Variants in AIF1L observed in about 807,000 individuals in gnomAD.
AIF1L encodes allograft inflammatory factor 1 like.
Under a neutral mutation model 20.7 loss-of-function variants are expected in AIF1L, and 12 were observed. The ratio of observed to expected loss-of-function variants is 0.58; its 90% CI spans 0.37 to 0.94. The LOEUF is 0.94. Among genes scored for constraint, AIF1L ranks in the 40% least tolerant of loss-of-function variants. AIF1L has a pLI of 0.01. For synonymous variants in AIF1L, 76 were observed against 65.1 expected (o/e 1.17, Z -0.81); for missense variants, 173 against 185.3 (o/e 0.93, Z 0.39).
chr9:131,113,593 G>C (rs889089810), intron 3 of AIF1L, among the ~76,000 whole-genome samples: 3 of 151,642 alleles, frequency 2.0e-5, no homozygotes, highest in African/African-American at 7.3e-5. Context: ...CCCTAGGTGA[G>C]CTGTGTATCC....
chr9:131,121,036 C>A lies in AIF1L; in HGVS notation c.*714C>A. The A allele has an allele frequency of 1.4e-6, 1 of 694,374 alleles. No homozygotes were observed. The highest frequency in any genetic ancestry group is 2.7e-6 in the Non-Finnish European group (1 of 373,238). The allele number at this position is 694,374 out of a possible 1,614,324, so 43.0% of individuals were successfully genotyped here. On this transcript the variant is annotated 3_prime_UTR_variant, in exon 6 of 6. Coordinates refer to ENST00000247291, the MANE Select transcript of AIF1L (RefSeq NM_031426.4). ...GCCCTACTGTCCCTTACTGGGGCAG[C>A]AGAGGGCTTCGGAGGCAGAAGTGAG...
Position 131,111,631 on chromosome 9 carries a change from A to C in AIF1L, c.128A>C (p.Glu43Ala), listed in dbSNP as rs1485818908. Reference protein sequence around the residue: ...FLCDQKYSDEENLPEKLTAFK... With the variant: ...FLCDQKYSDEANLPEKLTAFK... The stretch of plus-strand genomic sequence containing the variant: ...TGTGACCAGAAGTACAGTGATGAAG[A>C]GAACCTTCCAGAAAAGCTCACAGCC... Residue 43 changes from glutamate to alanine, a missense_variant, in exon 3 of 6, where the codon GAG (glutamate) becomes GCG (alanine). By Grantham distance (107) the Glu-to-Ala change is moderately radical. Transcript: ENST00000247291. 1.2e-6 allele frequency: 2 copies of C among 1,614,096 alleles called. No homozygotes were observed. The highest frequency in any genetic ancestry group is 2.2e-5 in the East Asian group (1 of 44,892).
rs1050280684 is a variant in AIF1L, at chr9:131,096,634, C to T, written c.5C>T (p.Ser2Leu). 6 of 1,484,266 alleles carry T rather than the reference C, an allele frequency of 4.0e-6. No homozygotes were observed. The highest frequency in any genetic ancestry group is 1.3e-5 in the South Asian group (1 of 78,452). 91.9% of individuals were successfully genotyped at this position (1,484,266 alleles called of 1,614,324 possible). A position where few individuals can be genotyped will look rare whatever the true frequency, so the allele number is the denominator to read the frequency against. The change falls in exon 1 of 6, where the codon TCG becomes TTG. Residue 2 changes from serine to leucine, a missense_variant. Physicochemically the swap from Ser to Leu is moderately radical, Grantham distance 145. Transcript: ENST00000247291. ...GGCGGGAGCCCCGCGCTCGCCATGT[C>T]GGGCGAGCTCAGCAACAGGTTCCAA... MSGELSNRFQGG... is the reference protein window; with the variant it reads MLGELSNRFQGG...
rs113017234 is a variant in AIF1L at position 131,120,571 on chromosome 9, A to G, written c.*249A>G. ...CCCCGCTCCCTGTGCAGAAGGGCTG[A>G]CATCAAACCAAAAACTAGAGGGGGC... On this transcript the variant is annotated 3_prime_UTR_variant, in exon 6 of 6. Transcript: ENST00000247291. The G allele has an allele frequency of 3.8e-3, 1,709 of 450,952 alleles. 25 individuals are homozygous for G. The highest frequency in any genetic ancestry group is 0.032 in the African/African-American group (1,605 of 49,570). 27.9% of individuals were successfully genotyped at this position (450,952 alleles called of 1,614,324 possible). A position where few individuals can be genotyped will look rare whatever the true frequency, so the allele number is the denominator to read the frequency against.
intron 2 of AIF1L, among the ~76,000 whole-genome samples, chr9:131,101,787 C>T (rs1370860412): frequency 6.6e-6 from 1 of 152,156 alleles, no homozygotes; most frequent in East Asian, 1.9e-4. Flanking sequence ...CTAGCTATGA[C>T]ACAGGCCTCT....
chr9:131,111,190 A>G (rs353529), intron 2 of AIF1L, among the ~76,000 whole-genome samples: 108,543 of 148,600 alleles, frequency 0.73, 40,937 homozygotes, highest in Middle Eastern at 0.84. Context: ...AAAAAAAAAA[A>G]AGTGCACGGA....
chr9:131,112,655 T>A (rs1024569719), intron 3 of AIF1L, among the ~76,000 whole-genome samples: 26 of 151,860 alleles, frequency 1.7e-4, no homozygotes, highest in African/African-American at 6.0e-4. Context: ...TAGGGCAGAG[T>A]TGGGACTTGA....
At chr9:131,111,782 T>A in intron 3 of AIF1L, 119 bp downstream of exon 3, 1 of 1,040,892 alleles carries the variant, frequency 9.6e-7, no homozygotes, top group Non-Finnish European at 1.4e-6. Flanking sequence ...TTGTCCAGAA[T>A]GCCCTTCTTC....
In AIF1L at chr9:131,117,900, G is replaced by A. The variant is rs879392854; in HGVS notation, c.347G>A (p.Arg116Gln). The A allele has an allele frequency of 6.2e-6, 10 of 1,611,748 alleles. No individual in the cohort carries two copies. Among genetic ancestry groups the A allele is most frequent in the African/African-American group, 2.7e-5 (2 of 74,906 alleles). The change falls in exon 5 of 6, where the codon CGG (arginine) becomes CAG (glutamine). Residue 116 changes from arginine to glutamine, a missense_variant. Transcript: ENST00000247291. ...TTTGTGAACATGATGCTGGGGAAAC[G>A]GTCGGCTGTCCTCAAGTTGTGAGTA... ...RDFVNMMLGK[R>Q]SAVLKLVMMF...
intron 2 of AIF1L, among the ~76,000 whole-genome samples, chr9:131,101,058 C>T (rs988502718): frequency 2.6e-5 from 4 of 151,014 alleles, no homozygotes; most frequent in Admixed American, 6.6e-5. Flanking sequence ...CCACCACGCC[C>T]GGCTAATTTT....
At chr9:131,112,857 G>A (rs1236335867) in intron 3 of AIF1L, among the ~76,000 whole-genome samples, 4 of 152,144 alleles carry the variant, frequency 2.6e-5, no homozygotes, top group African/African-American at 7.2e-5. Flanking sequence ...CCACTCCCAG[G>A]GGTGGCTCTG....
At chr9:131,105,130 T>C (rs1332636355) in intron 2 of AIF1L, among the ~76,000 whole-genome samples, 1 of 152,110 alleles carries the variant, frequency 6.6e-6, no homozygotes, top group Non-Finnish European at 1.5e-5. Flanking sequence ...GGGAGGGAGC[T>C]GTGGGTGGTA....
At chr9:131,100,626 G>A (rs928164262) in intron 2 of AIF1L, among the ~76,000 whole-genome samples, 19 of 152,234 alleles carry the variant, frequency 1.2e-4, no homozygotes, top group African/African-American at 4.6e-4. Flanking sequence ...CAGCACTACT[G>A]GAGTGGGCAG....
chr9:131,106,070 C>T (rs1052498253), intron 2 of AIF1L: 12 of 1,152,780 alleles, frequency 1.0e-5, no homozygotes, highest in Admixed American at 7.1e-5. Context: ...CCTCCCTCCT[C>T]GGGCTCCTCA....
rs1435776323 is a variant in AIF1L, at chr9:131,122,508, AC to A, written c.*2190del. The A allele has an allele frequency of 6.7e-6, 1 of 150,244 alleles. No individual in the cohort carries two copies. The allele number at this position is 150,244 out of a possible 1,614,324, so 9.3% of individuals were successfully genotyped here. ...TTCCCCAAGATCATTAGATGTCCTC[AC>A]CCCTCCTCACTGCCTCTCCTCTCTG... On this transcript the variant is annotated 3_prime_UTR_variant, in exon 6 of 6. Transcript: ENST00000247291.
intron 3 of AIF1L, 86 bp from the exon 4 acceptor site, chr9:131,114,491 G>T (rs937949302): frequency 6.7e-7 from 1 of 1,487,666 alleles, no homozygotes; most frequent in African/African-American, 1.4e-5. Context: ...TGAGGACACG[G>T]TCATTTGCCC....
intron 2 of AIF1L, among the ~76,000 whole-genome samples, chr9:131,107,581 C>T (rs936905437): frequency 3.3e-5 from 5 of 152,210 alleles, no homozygotes; most frequent in Admixed American, 2.0e-4. Context: ...TGGACCTAGG[C>T]TGAATGGATT....
intron 1 of AIF1L, 50 bp from the exon 2 acceptor site, chr9:131,096,752 G>A (rs749727466): frequency 2.0e-6 from 3 of 1,497,116 alleles, no homozygotes; most frequent in Admixed American, 2.3e-5. Flanking sequence ...ACGGGGGCGC[G>A]TGGCCCGAAG....
intron 4 of AIF1L, among the ~76,000 whole-genome samples, chr9:131,115,446 T>C (rs1381090480): frequency 4.7e-4 from 20 of 42,930 alleles, no homozygotes; most frequent in Non-Finnish European, 7.1e-4. Flanking sequence ...CGAGATTCTG[T>C]CTCAAAAAAA....
Sources: allele counts gnomAD v4.1 joint callset (sites outside exome capture counted in the v4.1 genomes callset), GRCh38; gene constraint gnomAD v4.1.1; transcripts MANE v1.5; gene names NCBI Gene and HGNC (gene_info 2026-07-23, HGNC 2026-07-21).